Variants in KIF16B observed in about 807,000 individuals in gnomAD.
KIF16B encodes kinesin family member 16B.
Under a neutral mutation model 156.3 loss-of-function variants are expected in KIF16B, and 98 were observed. The ratio of observed to expected loss-of-function variants is 0.63; its 90% CI spans 0.53 to 0.74. KIF16B has a LOEUF of 0.74. Ranked by LOEUF, KIF16B falls within the 30% of genes least tolerant of loss-of-function variation. The pLI is 0.00. For synonymous variants in KIF16B, 564 were observed against 583.7 expected, an observed-to-expected ratio of 0.97 and a Z score of 0.49; for missense variants, 1,421 against 1,606.5, an observed-to-expected ratio of 0.88 and a Z score of 1.97.
chr20:16,503,991 T>A (rs1434812352), intron 10 of KIF16B, among the ~76,000 whole-genome samples: 1 of 152,214 alleles, frequency 6.6e-6, no homozygotes, highest in African/African-American at 2.4e-5. Context: ...ACAAGTCTTT[T>A]ATTCTGTTAA....
chr20:16,461,289 A>G (rs2146678252), intron 12 of KIF16B, among the ~76,000 whole-genome samples: 1 of 152,242 alleles, frequency 6.6e-6, no homozygotes, highest in African/African-American at 2.4e-5. Context: ...TCCTTTGAGT[A>G]GTAATATTTC....
At chr20:16,459,248 C>T (rs145152634) in intron 12 of KIF16B, among the ~76,000 whole-genome samples, 142 of 152,220 alleles carry the variant, frequency 9.3e-4, no homozygotes, top group Admixed American at 2.0e-3. Context: ...TAGTCCCTGA[C>T]CTCAAGAAGT....
rs747917424 is a variant in KIF16B, at chr20:16,404,835, C to T, written c.1762G>A (p.Ala588Thr). 6.2e-7 allele frequency: 1 copy of T among 1,613,312 alleles called. No individual in the cohort carries two copies. The highest frequency in any genetic ancestry group is 8.5e-7 in the Non-Finnish European group (1 of 1,179,502). Residue 588 changes from alanine to threonine, a missense_variant, in exon 17 of 26, where the codon GCA becomes ACA. Transcript: ENST00000354981. ...CACCCGGGGTTATACAACATGACTG[C>T]AGACAGGTTCTCACGGGACTTCGAG... The part of the protein sequence containing the change: ...DLSKSRENLS[A>T]VMLYNPGLEF...
At chr20:16,408,637 A>G (rs1341255166) in intron 15 of KIF16B, among the ~76,000 whole-genome samples, 1 of 152,160 alleles carries the variant, frequency 6.6e-6, no homozygotes, top group African/African-American at 2.4e-5. Flanking sequence ...ATGGTATTTC[A>G]GAGACATATT....
At chr20:16,343,843 A>ATT (rs556218313) in intron 23 of KIF16B, among the ~76,000 whole-genome samples, 2 of 150,118 alleles carry the variant, frequency 1.3e-5, no homozygotes, top group African/African-American at 4.9e-5. Flanking sequence ...TGGTACTTCT[A>ATT]TTTTTTTTTT....
intron 12 of KIF16B, among the ~76,000 whole-genome samples, chr20:16,436,038 T>C (rs1006705150): frequency 5.9e-5 from 9 of 152,212 alleles, no homozygotes; most frequent in African/African-American, 2.2e-4. Flanking sequence ...CTTTTATCTT[T>C]TGCGTGCTAT....
intron 1 of KIF16B, among the ~76,000 whole-genome samples, chr20:16,543,621 C>T (rs2070288252): frequency 6.6e-6 from 1 of 152,074 alleles, no homozygotes; most frequent in South Asian, 2.1e-4. Context: ...ATGTCCCAAA[C>T]CATAAAGGAC....
intron 24 of KIF16B, among the ~76,000 whole-genome samples, chr20:16,322,627 C>G (rs1226225387): frequency 6.6e-6 from 1 of 151,874 alleles, no homozygotes; most frequent in African/African-American, 2.4e-5. Context: ...AAATTTTCAT[C>G]TATAAGTTGA....
intron 15 of KIF16B, among the ~76,000 whole-genome samples, chr20:16,414,328 A>T (rs956946144): frequency 1.3e-5 from 2 of 152,116 alleles, no homozygotes; most frequent in Admixed American, 1.3e-4. Context: ...AATGACAGGC[A>T]CTCTGCAACA....
At chr20:16,553,264 A>C (rs1190410339) in intron 1 of KIF16B, among the ~76,000 whole-genome samples, 3 of 152,166 alleles carry the variant, frequency 2.0e-5, no homozygotes, top group Non-Finnish European at 4.4e-5. Flanking sequence ...CCCTGCCCTC[A>C]GTGCTGATGT....
chr20:16,337,078 C>G (rs141088016), intron 23 of KIF16B, among the ~76,000 whole-genome samples: 1 of 152,220 alleles, frequency 6.6e-6, no homozygotes, highest in African/African-American at 2.4e-5. Flanking sequence ...AAAAGACCTA[C>G]ATTTTTAACC....
chr20:16,511,649 T>C, intron 5 of KIF16B, 122 bp from the exon 6 acceptor site: 1 of 613,804 alleles, frequency 1.6e-6, no homozygotes, highest in South Asian at 2.1e-5. Flanking sequence ...CATTTATGAG[T>C]GGTGACTGTG....
chr20:16,463,837 C>T (rs891451881), intron 12 of KIF16B, among the ~76,000 whole-genome samples: 6 of 152,144 alleles, frequency 3.9e-5, no homozygotes, highest in African/African-American at 1.2e-4. Flanking sequence ...TCTCAAGTTG[C>T]CAGCATATAG....
chr20:16,465,085 A>G (rs994200472), intron 12 of KIF16B, among the ~76,000 whole-genome samples: 1 of 152,214 alleles, frequency 6.6e-6, no homozygotes, highest in African/African-American at 2.4e-5. Flanking sequence ...TACCAAAGAG[A>G]TAAGGACTCT....
At chr20:16,409,841 G>T (rs1336901038) in intron 15 of KIF16B, among the ~76,000 whole-genome samples, 1 of 150,276 alleles carries the variant, frequency 6.7e-6, no homozygotes, top group Non-Finnish European at 1.5e-5. Context: ...CATGAGTTTG[G>T]TTTTGGACAT....
chr20:16,315,304 T>C (rs1317271311), intron 24 of KIF16B, among the ~76,000 whole-genome samples: 1 of 152,096 alleles, frequency 6.6e-6, no homozygotes, highest in African/African-American at 2.4e-5. Context: ...CTAAGTGACT[T>C]TCAGGCCTAT....
intron 12 of KIF16B, among the ~76,000 whole-genome samples, chr20:16,433,680 T>G (rs899845163): frequency 1.3e-5 from 2 of 152,008 alleles, no homozygotes; most frequent in Non-Finnish European, 2.9e-5. Context: ...AAGAGAAAGT[T>G]TTCCAGGATT....
intron 24 of KIF16B, among the ~76,000 whole-genome samples, chr20:16,326,057 C>T (rs6043890): frequency 6.6e-6 from 1 of 152,010 alleles, no homozygotes; most frequent in East Asian, 1.9e-4. Flanking sequence ...GACAGGACAC[C>T]TTATTCAACA....
chr20:16,416,931 C>A (rs536124432), intron 15 of KIF16B, among the ~76,000 whole-genome samples: 1 of 152,126 alleles, frequency 6.6e-6, no homozygotes, highest in African/African-American at 2.4e-5. Flanking sequence ...AGTCCCTTAG[C>A]AGCAACAGTG....
Sources: gnomAD v4.1 joint callset for allele counts (sites outside exome capture counted in the v4.1 genomes callset) on GRCh38, gnomAD v4.1.1 for gene constraint, MANE v1.5 for transcripts, NCBI Gene and HGNC (gene_info 2026-07-23, HGNC 2026-07-21) for gene names.